The following ARSB variants were observed in gnomAD, a reference collection of about 807,000 sequenced individuals.
The protein encoded by ARSB is arylsulfatase B, also known as N-acetylgalactosamine-4-sulfatase.
A neutral mutation model predicts 50.9 loss-of-function variants in ARSB; 41 were observed. That is an observed-to-expected ratio of 0.81 (90% CI 0.63 to 1.04). ARSB has a LOEUF of 1.04. Ranked by LOEUF, ARSB falls within the 50% of genes least tolerant of loss-of-function variation. The pLI, the probability that ARSB is intolerant of heterozygous loss-of-function variation, is 0.00. For missense variants in ARSB, 672 were observed against 693.3 expected (o/e 0.97, Z 0.35); for synonymous variants, 269 against 284.8 (o/e 0.94, Z 0.56).
At chr5:78,902,622 G>A (rs1748859422) in intron 4 of ARSB, among the ~76,000 whole-genome samples, 1 of 152,122 alleles carries the variant, frequency 6.6e-6, no homozygotes, top group Admixed American at 6.5e-5. Context: ...CTACAAAATG[G>A]ATGAACATCT....
At position 78,780,381 on chromosome 5, in the gene ARSB, T is replaced by C; in HGVS notation, c.*16A>G. On this transcript the variant is annotated 3_prime_UTR_variant, in exon 8 of 8. Transcript: ENST00000264914. ...TCCAACTTCCAATTGAAAGGTTTTC[T>C]AGCCTCCCTGAAATCCTACATCCAA... 6.2e-7 allele frequency: 1 copy of C among 1,613,710 alleles called. No individual in the cohort carries two copies. Among genetic ancestry groups the C allele is most frequent in the South Asian group, 1.1e-5 (1 of 91,060 alleles).
chr5:78,819,453 G>T (rs1043627335), intron 6 of ARSB, among the ~76,000 whole-genome samples: 5 of 152,132 alleles, frequency 3.3e-5, no homozygotes, highest in African/African-American at 1.2e-4. Context: ...TTTTCAAAAC[G>T]TATGTTGTGA....
intron 6 of ARSB, among the ~76,000 whole-genome samples, chr5:78,818,410 A>T (rs946816350): frequency 2.6e-5 from 4 of 152,142 alleles, no homozygotes; most frequent in African/African-American, 9.7e-5. Flanking sequence ...TATCTGAGAT[A>T]AAAGTCCTGC....
At chr5:78,982,720 G>C (rs1312040424) in intron 1 of ARSB, among the ~76,000 whole-genome samples, 1 of 152,322 alleles carries the variant, frequency 6.6e-6, no homozygotes, top group African/African-American at 2.4e-5. Context: ...AGTATCTGAC[G>C]GAGACTCCTG....
chr5:78,823,957 G>C (rs901847357), intron 6 of ARSB, among the ~76,000 whole-genome samples: 7 of 152,106 alleles, frequency 4.6e-5, no homozygotes, highest in Admixed American at 3.9e-4. Context: ...AATGTTGGAG[G>C]GGGGGCACAG....
intron 5 of ARSB, among the ~76,000 whole-genome samples, chr5:78,844,320 T>G (rs1253674944): frequency 6.6e-6 from 1 of 152,206 alleles, no homozygotes; most frequent in Non-Finnish European, 1.5e-5. Flanking sequence ...CATGTATGTA[T>G]TGGCCATTTA....
rs192238921 is a variant in ARSB, at chr5:78,909,705, A to G, written c.899-23878T>C. Among the ~76,000 whole-genome samples the G allele has an allele frequency of 9.3e-4, 142 of 152,334 alleles. 3 individuals are homozygous for G. The highest frequency in any genetic ancestry group is 9.2e-3 in the Admixed American group (141 of 15,300). On this transcript the variant is annotated intron_variant, in intron 4 of 7. Transcript: ENST00000264914. ...GCCCAGGAAAACTGGGTATTATCCA[A>G]GGTTTCTCCCCATGTGATAGTCTGA...
intron 5 of ARSB, among the ~76,000 whole-genome samples, chr5:78,873,527 G>A (rs1350971651): frequency 4.0e-5 from 3 of 75,530 alleles, no homozygotes; most frequent in Admixed American, 1.8e-4. Context: ...ACGGAGTCTC[G>A]CTCTGTCGCC....
chr5:78,801,249 A>C (rs1743383659), intron 6 of ARSB, among the ~76,000 whole-genome samples: 1 of 152,158 alleles, frequency 6.6e-6, no homozygotes, highest in South Asian at 2.1e-4. Flanking sequence ...AACAGCCAGG[A>C]ATAACTCTGT....
intron 6 of ARSB, among the ~76,000 whole-genome samples, chr5:78,811,994 T>C (rs1243703811): frequency 1.3e-5 from 2 of 152,174 alleles, no homozygotes. Context: ...TATTCAGAAT[T>C]TTTGGCCAAG....
At chr5:78,782,078 G>T in intron 6 of ARSB, 104 bp from the exon 7 acceptor site, 1 of 1,412,704 alleles carries the variant, frequency 7.1e-7, no homozygotes, top group Non-Finnish European at 1.0e-6. Context: ...ATTCAACACT[G>T]GAGTGCAAAT....
intron 4 of ARSB, among the ~76,000 whole-genome samples, chr5:78,934,539 T>C (rs1321269012): frequency 6.6e-6 from 1 of 151,902 alleles, no homozygotes; most frequent in African/African-American, 2.4e-5. Flanking sequence ...AAAGAGAAAA[T>C]GTTACTTTGG....
intron 6 of ARSB, among the ~76,000 whole-genome samples, chr5:78,789,942 T>A (rs1034666797): frequency 2.6e-5 from 4 of 152,052 alleles, no homozygotes; most frequent in Non-Finnish European, 4.4e-5. Context: ...GGAGGATGAT[T>A]TTCTGGCATT....
At chr5:78,985,405 G>T, upstream of ARSB, 1 of 659,492 alleles carries the variant, frequency 1.5e-6, no homozygotes, top group Non-Finnish European at 2.1e-6. Context: ...GGCCCCCGCC[G>T]CCTCCGACCC....
rs1008522141 is a variant in ARSB at position 78,779,229 on chromosome 5, A to G, written c.*1168T>C. ...GATTGAGAAAGGGCTGCAGGTGTCAAACTGCATCCTCTTTGCCAGACCCCA... is the reference window on the plus strand; with the variant it reads ...GATTGAGAAAGGGCTGCAGGTGTCAGACTGCATCCTCTTTGCCAGACCCCA... On this transcript the variant is annotated 3_prime_UTR_variant, in exon 8 of 8. Transcript: ENST00000264914. The G allele has an allele frequency of 6.6e-6, 1 of 151,934 alleles. No individual in the cohort carries two copies. Among genetic ancestry groups the G allele is most frequent in the African/African-American group, 2.4e-5 (1 of 41,354 alleles). 9.4% of individuals were successfully genotyped at this position (151,934 alleles called of 1,614,324 possible).
chr5:78,878,101 T>G (rs1747573654), intron 5 of ARSB, among the ~76,000 whole-genome samples: 1 of 152,124 alleles, frequency 6.6e-6, no homozygotes, highest in Non-Finnish European at 1.5e-5. Context: ...TTTTTTTAAA[T>G]AAAAAGAGCA....
chr5:78,938,801 T>C (rs1378375255), intron 4 of ARSB, among the ~76,000 whole-genome samples: 2 of 152,204 alleles, frequency 1.3e-5, no homozygotes, highest in African/African-American at 4.8e-5. Context: ...ACATGTAATA[T>C]TGTGAAAGCT....
chr5:78,855,496 G>A (rs1036988746), intron 5 of ARSB, among the ~76,000 whole-genome samples: 66 of 152,178 alleles, frequency 4.3e-4, no homozygotes, highest in African/African-American at 1.5e-3. Context: ...TCAGGCCATT[G>A]GGCTGGGGCA....
At chr5:78,902,406 C>A (rs142877925) in intron 4 of ARSB, among the ~76,000 whole-genome samples, 4 of 152,124 alleles carry the variant, frequency 2.6e-5, no homozygotes, top group Non-Finnish European at 5.9e-5. Context: ...TAGGTATATA[C>A]CCAAGAGAAG....
Sources: allele counts gnomAD v4.1 joint callset (sites outside exome capture counted in the v4.1 genomes callset), GRCh38; gene constraint gnomAD v4.1.1; transcripts MANE v1.5; gene names NCBI Gene and HGNC (gene_info 2026-07-23, HGNC 2026-07-21).